The following PADI6 variants were observed in gnomAD, a reference collection of about 807,000 sequenced individuals.
PADI6 encodes the protein inactive protein-arginine deiminase type-6.
PADI6 carries 66 observed loss-of-function variants against 78.2 expected under a neutral mutation model. The ratio of observed to expected loss-of-function variants is 0.84; its 90% CI spans 0.69 to 1.04. The LOEUF is 1.04. Among genes scored for constraint, PADI6 ranks in the 50% least tolerant of loss-of-function variants. The pLI is 0.00. For missense variants in PADI6, 854 were observed against 866.1 expected (o/e 0.99, Z 0.18); for synonymous variants, 397 against 346.9 (o/e 1.14, Z -1.60).
rs1364671235 is a variant in PADI6, at chr1:17,398,712, C to A, written c.1716C>A (p.Ile572=). The change falls in exon 15 of 16, where the codon ATC becomes ATA. Residue 572 remains isoleucine (I), a synonymous_variant. Transcript: ENST00000619609. ...VEKCIHLNRD[I]LKTELGLVEQ... is the part of the protein sequence containing the mutation. Reference sequence around the variant, plus strand: ...AGTGCATTCACCTGAACCGTGACATCCTGAAGACGGAGCTGGGCCTGGTGG... The same window carrying A: ...AGTGCATTCACCTGAACCGTGACATACTGAAGACGGAGCTGGGCCTGGTGG... The A allele has an allele frequency of 2.1e-6, 3 of 1,409,086 alleles. No homozygotes were observed. Among genetic ancestry groups the A allele is most frequent in the East Asian group, 3.7e-5 (1 of 26,948 alleles). The allele number at this position is 1,409,086 out of a possible 1,614,324, so 87.3% of individuals were successfully genotyped here.
At chr1:17,372,460 C>A in intron 1 of PADI6, 99 bp downstream of exon 1, 4 of 1,106,124 alleles carry the variant, frequency 3.6e-6, no homozygotes, top group Non-Finnish European at 4.1e-6. Context: ...ACTTCTCTAG[C>A]CTCACTATCC....
intron 8 of PADI6, among the ~76,000 whole-genome samples, chr1:17,391,276 G>A (rs1168231471): frequency 6.6e-6 from 1 of 152,164 alleles, no homozygotes; most frequent in Non-Finnish European, 1.5e-5. Flanking sequence ...CTGGAGTGTA[G>A]TGGTGTGATC....
chr1:17,393,404 A>G (rs2075211116), intron 9 of PADI6, among the ~76,000 whole-genome samples: 1 of 152,248 alleles, frequency 6.6e-6, no homozygotes, highest in Non-Finnish European at 1.5e-5. Flanking sequence ...AAGGCATCAC[A>G]GTGGCATAGG....
At chr1:17,400,189 C>G (rs936679741) in intron 15 of PADI6, among the ~76,000 whole-genome samples, 49 of 146,968 alleles carry the variant, frequency 3.3e-4, no homozygotes, top group Admixed American at 4.8e-4. Context: ...AAACCAAGAC[C>G]TTGTCTGATA....
At position 17,401,303 on chromosome 1, in the gene PADI6, G is replaced by T; in HGVS notation, c.1950G>T (p.Leu650Phe). ...TCCLEEKICC[L>F]LEPLGFKCTF... ...GCCTGGAAGAAAAGATTTGCTGCTT[G>T]CTGGAGCCCCTGGGCTTCAAGTGCA... Residue 650 changes from leucine (L) to phenylalanine (F), a missense_variant, in exon 16 of 16, where the codon TTG (leucine) becomes TTT (phenylalanine). Leu to Phe is a conservative substitution (Grantham distance 22). Coordinates refer to ENST00000619609, the MANE Select transcript of PADI6 (RefSeq NM_207421.4). 6.2e-7 allele frequency: 1 copy of T among 1,614,100 alleles called. No individual in the cohort carries two copies. Among genetic ancestry groups the T allele is most frequent in the Non-Finnish European group, 8.5e-7 (1 of 1,179,912 alleles).
intron 6 of PADI6, among the ~76,000 whole-genome samples, chr1:17,386,055 T>C (rs1437440098): frequency 2.3e-5 from 2 of 88,128 alleles, no homozygotes; most frequent in African/African-American, 8.7e-5. Context: ...GCCCCCAGGG[T>C]GGGTAGGGAG....
At chr1:17,373,387 G>C (rs543562742) in intron 2 of PADI6, among the ~76,000 whole-genome samples, 154 bp downstream of exon 2, 1 of 152,306 alleles carries the variant, frequency 6.6e-6, no homozygotes, top group Admixed American at 6.5e-5. Context: ...GACCAGTGGT[G>C]TGGGCACTCC....
intron 1 of PADI6, 26 bp from the exon 2 acceptor site, chr1:17,373,030 C>T (rs370695714): frequency 3.4e-5 from 54 of 1,608,262 alleles, no homozygotes; most frequent in African/African-American, 2.3e-4. Context: ...TGTGCCCTGA[C>T]GCGTGTCTCT....
At chr1:17,391,194 T>C (rs960662894) in intron 8 of PADI6, among the ~76,000 whole-genome samples, 4 of 137,138 alleles carry the variant, frequency 2.9e-5, no homozygotes, top group African/African-American at 1.1e-4. Context: ...TTTGAGGACC[T>C]GTTTGTTCCG....
chr1:17,387,458 A>AT (rs1553153218), intron 6 of PADI6, among the ~76,000 whole-genome samples: 3 of 138,292 alleles, frequency 2.2e-5, no homozygotes, highest in Non-Finnish European at 4.7e-5. Context: ...AAAGAAAAGG[A>AT]GGGGGGGGGG....
At chr1:17,395,891 G>A (rs2075242061) in intron 13 of PADI6, among the ~76,000 whole-genome samples, 1 of 152,180 alleles carries the variant, frequency 6.6e-6, no homozygotes, top group Non-Finnish European at 1.5e-5. Context: ...TGTATTTGAA[G>A]GGGGACTCAC....
At chr1:17,383,475 T>TCCG (rs1178965252) in intron 6 of PADI6, among the ~76,000 whole-genome samples, 1 of 152,110 alleles carries the variant, frequency 6.6e-6, no homozygotes, top group Non-Finnish European at 1.5e-5. Context: ...GGCCTTGGAG[T>TCCG]CCGCCGGTTC....
At chr1:17,382,638 G>T (rs2075084131) in intron 6 of PADI6, among the ~76,000 whole-genome samples, 1 of 152,074 alleles carries the variant, frequency 6.6e-6, no homozygotes, top group Non-Finnish European at 1.5e-5. Flanking sequence ...GGCTGGTTAG[G>T]AGGTACACAT....
At chr1:17,376,402 C>G (rs999437277) in intron 3 of PADI6, among the ~76,000 whole-genome samples, 1 of 151,142 alleles carries the variant, frequency 6.6e-6, no homozygotes, top group African/African-American at 2.4e-5. Flanking sequence ...CAGGTTCACA[C>G]CATTCTCCTG....
intron 10 of PADI6, 26 bp downstream of exon 10, chr1:17,394,108 G>A (rs754681383): frequency 1.2e-6 from 2 of 1,603,616 alleles, no homozygotes; most frequent in South Asian, 2.2e-5. Context: ...TGGCTAATCT[G>A]AGCTCAGTCC....
chr1:17,385,206 TTGG>T (rs999976219), intron 6 of PADI6, among the ~76,000 whole-genome samples: 14 of 152,090 alleles, frequency 9.2e-5, no homozygotes, highest in Non-Finnish European at 8.8e-5. Flanking sequence ...TTGAGTAGTG[TTGG>T]TGGCTTGCTC....
chr1:17,392,305 G>T lies in PADI6; in HGVS notation c.1074+80G>T, dbSNP rs188550053. The T allele has an allele frequency of 3.6e-4, 391 of 1,084,084 alleles. 1 individual carries two copies. In the African/African-American group the frequency reaches 5.4e-3, roughly 15 times the overall value. 67.2% of individuals were successfully genotyped at this position (1,084,084 alleles called of 1,614,324 possible). A position where few individuals can be genotyped will look rare whatever the true frequency, so the allele number is the denominator to read the frequency against. On this transcript the variant is annotated intron_variant, in intron 9 of 15. Transcript: ENST00000619609. Reference sequence around the variant, plus strand: ...GTGCCACCTAAGAGGAACTTCACAGGCTTCTGGTTAACCTTAAAGACCGAA... The same window carrying T: ...GTGCCACCTAAGAGGAACTTCACAGTCTTCTGGTTAACCTTAAAGACCGAA...
chr1:17,394,877 C>T (rs1204574982), intron 11 of PADI6, 74 bp from the exon 12 acceptor site: 1 of 1,474,280 alleles, frequency 6.8e-7, no homozygotes, highest in East Asian at 2.5e-5. Context: ...CTGGAGGCAG[C>T]ATGACACCAA....
intron 6 of PADI6, among the ~76,000 whole-genome samples, chr1:17,383,722 G>C (rs190314118): frequency 1.3e-5 from 2 of 151,352 alleles, no homozygotes; most frequent in African/African-American, 4.9e-5. Flanking sequence ...GGGCATGCCC[G>C]CCAGCTACTC....
Sources: allele counts gnomAD v4.1 joint callset (sites outside exome capture counted in the v4.1 genomes callset), GRCh38; gene constraint gnomAD v4.1.1; transcripts MANE v1.5; gene names NCBI Gene and HGNC (gene_info 2026-07-23, HGNC 2026-07-21).